Variants in VIRMA observed in about 807,000 individuals in gnomAD.
VIRMA encodes protein virilizer homolog.
In VIRMA, 65 loss-of-function variants were observed where a neutral mutation model predicts 182.4. The observed-to-expected ratio is 0.36, with a 90% CI of 0.29 to 0.44. The LOEUF (loss-of-function observed/expected upper bound fraction) is 0.44. Among genes scored for constraint, VIRMA ranks in the 20% least tolerant of loss-of-function variants. VIRMA has a pLI of 1.00. For missense variants in VIRMA, 1,752 were observed against 2,158.1 expected, an observed-to-expected ratio of 0.81 and a Z score of 3.73; for synonymous variants, 709 against 743.1, an observed-to-expected ratio of 0.95 and a Z score of 0.75.
At chr8:94,535,092 T>C (rs1052862005) in intron 4 of VIRMA, 85 bp from the exon 5 acceptor site, 6 of 1,504,104 alleles carry the variant, frequency 4.0e-6, no homozygotes, top group Non-Finnish European at 5.3e-6. Flanking sequence ...TAGATTGTGG[T>C]TCAACTAAAG....
At chr8:94,531,981 T>C (rs1285929915) in intron 5 of VIRMA, among the ~76,000 whole-genome samples, 2 of 152,164 alleles carry the variant, frequency 1.3e-5, no homozygotes, top group African/African-American at 4.8e-5. Flanking sequence ...AATATAACTA[T>C]AGAAATGGTG....
rs550096464 is a variant in VIRMA, at chr8:94,531,138, G to A, written c.485-53C>T. 38 of 1,486,884 alleles carry A rather than the reference G, an allele frequency of 2.6e-5. No individual in the cohort carries two copies. The African/African-American group carries it at 4.2e-4, about 16-fold the overall frequency. 92.1% of individuals were successfully genotyped at this position (1,486,884 alleles called of 1,614,324 possible). Reference sequence around the variant, plus strand: ...AACTTTCAAATTACAGATGACCCCCGAACAACATGGCTTTGAACTGTGTGG... The same window carrying A: ...AACTTTCAAATTACAGATGACCCCCAAACAACATGGCTTTGAACTGTGTGG... On this transcript the variant is annotated intron_variant, in intron 5 of 23. Coordinates refer to ENST00000297591, the MANE Select transcript of VIRMA (RefSeq NM_015496.5).
intron 11 of VIRMA, among the ~76,000 whole-genome samples, 181 bp downstream of exon 11, chr8:94,514,688 A>G (rs1814498737): frequency 6.6e-6 from 1 of 152,256 alleles, no homozygotes; most frequent in South Asian, 2.1e-4. Context: ...GTGTGTTCAC[A>G]TATGCATATA....
intron 6 of VIRMA, among the ~76,000 whole-genome samples, chr8:94,530,567 T>TG (rs973314095): frequency 3.3e-5 from 5 of 151,282 alleles, no homozygotes; most frequent in African/African-American, 1.2e-4. Context: ...CTGCACAGCA[T>TG]GGGGGGAGAC....
In VIRMA at chr8:94,543,709, T is replaced by C. The variant is rs373319103; in HGVS notation, c.179+118A>G. 4.2e-4 allele frequency: 263 copies of C among 633,596 alleles called. 1 individual carries two copies. Among genetic ancestry groups the C allele is most frequent in the African/African-American group, 3.0e-3 (168 of 55,084 alleles). The allele number at this position is 633,596 out of a possible 1,614,324, so 39.2% of individuals were successfully genotyped here. A position where few individuals can be genotyped will look rare whatever the true frequency, so the allele number is the denominator to read the frequency against. On this transcript the variant is annotated intron_variant, in intron 2 of 23. Transcript: ENST00000297591. Reference sequence around the variant, plus strand: ...CAATTACAATGCAGCATAACCATAATTGAATAGCTTCAGGATTTTATCACT... The same window carrying C: ...CAATTACAATGCAGCATAACCATAACTGAATAGCTTCAGGATTTTATCACT...
At chr8:94,514,976 T>C (rs72674840) in intron 10 of VIRMA, 25 bp from the exon 11 acceptor site, 13,603 of 1,162,370 alleles carry the variant, frequency 0.012, 134 homozygotes, top group Middle Eastern at 0.034. Flanking sequence ...TAATTTATAA[T>C]ATTTAAAAAT....
At chr8:94,538,398 A>T (rs1308616140) in intron 2 of VIRMA, 52 bp from the exon 3 acceptor site, 1 of 1,043,082 alleles carries the variant, frequency 9.6e-7, no homozygotes, top group Admixed American at 1.8e-5. Context: ...ACACTTCCTA[A>T]ATTAAAACAA....
chr8:94,552,985 C>T (rs577581364), intron 1 of VIRMA, among the ~76,000 whole-genome samples: 2 of 152,192 alleles, frequency 1.3e-5, no homozygotes, highest in African/African-American at 4.8e-5. Flanking sequence ...CATCGTGATT[C>T]GGAAACCACG....
Position 94,511,742 on chromosome 8 carries a change from TAAG to T in VIRMA, c.2846-16_2846-14del. 2 of 1,583,124 alleles carry T rather than the reference TAAG, an allele frequency of 1.3e-6. No individual in the cohort carries two copies. The highest frequency in any genetic ancestry group is 1.7e-6 in the Non-Finnish European group (2 of 1,164,078). ...TCTTTCTGTTGACCTTTATATAGGA[TAAG>T]AAAAAGAAACAAAACTAATTACTTA... On this transcript the variant is annotated splice_polypyrimidine_tract_variant and intron_variant, in intron 12 of 23. Coordinates refer to ENST00000297591, the MANE Select transcript of VIRMA (RefSeq NM_015496.5).
chr8:94,509,663 G>A lies in VIRMA; in HGVS notation c.3879+25C>T, dbSNP rs776745622. The A allele has an allele frequency of 4.4e-6, 7 of 1,592,394 alleles. No individual in the cohort carries two copies. The East Asian group carries it at 1.3e-4, about 31-fold the overall frequency. On this transcript the variant is annotated intron_variant, in intron 15 of 23. Coordinates refer to ENST00000297591, the MANE Select transcript of VIRMA (RefSeq NM_015496.5). Reference sequence around the variant, plus strand: ...ACACACACATACACATGCAGAGAGAGACTTTATAAAATAACTATAAATACC... The same window carrying A: ...ACACACACATACACATGCAGAGAGAAACTTTATAAAATAACTATAAATACC...
chr8:94,508,056 A>G (rs1364284214), intron 15 of VIRMA, among the ~76,000 whole-genome samples: 2 of 151,920 alleles, frequency 1.3e-5, no homozygotes, highest in Non-Finnish European at 2.9e-5. Context: ...TTAGCTAATG[A>G]TAACTCTAAA....
chr8:94,489,011 G>A, intron 23 of VIRMA, 151 bp from the exon 24 acceptor site: 1 of 672,736 alleles, frequency 1.5e-6, no homozygotes, highest in Non-Finnish European at 2.4e-6. Flanking sequence ...AAAGATTTTT[G>A]AATTATACAT....
intron 2 of VIRMA, among the ~76,000 whole-genome samples, chr8:94,542,933 A>AGTTT (rs1243147587): frequency 6.6e-6 from 1 of 151,968 alleles, no homozygotes; most frequent in Non-Finnish European, 1.5e-5. Flanking sequence ...TTTTTGAGAC[A>AGTTT]GTTTCACTCT....
intron 17 of VIRMA, 126 bp from the exon 18 acceptor site, chr8:94,496,606 T>C (rs1435465236): frequency 3.0e-6 from 2 of 658,606 alleles, no homozygotes; most frequent in Non-Finnish European, 4.8e-6. Flanking sequence ...TTTACATCAG[T>C]ACAAATGGCT....
intron 8 of VIRMA, among the ~76,000 whole-genome samples, chr8:94,521,466 C>CA (rs1814767493): frequency 6.6e-6 from 1 of 151,832 alleles, no homozygotes; most frequent in Non-Finnish European, 1.5e-5. Context: ...TTCAAATACT[C>CA]AAAAATGGGG....
chr8:94,532,821 G>A (rs1224691710), intron 5 of VIRMA, among the ~76,000 whole-genome samples: 42 of 152,008 alleles, frequency 2.8e-4, no homozygotes, highest in Non-Finnish European at 4.4e-5. Flanking sequence ...AGTTGGGGTG[G>A]AGGGTGGCAC....
chr8:94,526,391 T>A lies in VIRMA; in HGVS notation c.1853A>T (p.Asn618Ile), dbSNP rs2130347877. 1 of 1,614,078 alleles carries A rather than the reference T, an allele frequency of 6.2e-7. No homozygotes were observed. The highest frequency in any genetic ancestry group is 8.5e-7 in the Non-Finnish European group (1 of 1,179,980). ...SMDMDLLESS[N>I]ISEGEIERLI... is the part of the protein sequence containing the mutation. ...CCTTTCTATTTCCCCTTCACTTATA[T>A]TTGAGGATTCCAAAAGATCCATATC... is the stretch of plus-strand genomic sequence containing the variant. Residue 618 changes from asparagine (N) to isoleucine (I), a missense_variant, in exon 8 of 24, where the codon AAT becomes ATT. Coordinates refer to ENST00000297591, the MANE Select transcript of VIRMA (RefSeq NM_015496.5).
intron 5 of VIRMA, chr8:94,533,480 T>TG (rs1410023190): frequency 6.6e-6 from 1 of 152,318 alleles, no homozygotes; most frequent in Non-Finnish European, 1.5e-5. Flanking sequence ...TTTGCTCTGT[T>TG]GCCTAGGCTG....
At chr8:94,527,552 T>C (rs1308261314) in intron 7 of VIRMA, among the ~76,000 whole-genome samples, 189 bp from the exon 8 acceptor site, 1 of 152,186 alleles carries the variant, frequency 6.6e-6, no homozygotes, top group Non-Finnish European at 1.5e-5. Context: ...TGGACAAACT[T>C]CTTTTTTTCC....
Sources: allele counts gnomAD v4.1 joint callset (sites outside exome capture counted in the v4.1 genomes callset), GRCh38; gene constraint gnomAD v4.1.1; transcripts MANE v1.5; gene names NCBI Gene and HGNC (gene_info 2026-07-23, HGNC 2026-07-21).